Variants in CAMTA1 observed in about 807,000 individuals in gnomAD.
CAMTA1 encodes the protein calmodulin-binding transcription activator 1.
A neutral mutation model predicts 170.9 loss-of-function variants in CAMTA1; 27 were observed. The ratio of observed to expected loss-of-function variants is 0.16; its 90% CI spans 0.12 to 0.22. The LOEUF (loss-of-function observed/expected upper bound fraction) is 0.22, where lower values mean the gene tolerates loss of function less well. Among genes scored for constraint, CAMTA1 ranks in the 10% least tolerant of loss-of-function variants. The probability of loss-of-function intolerance (pLI) is 1.00; values close to 1 mark genes in which losing one functional copy is unlikely to be tolerated. For synonymous variants in CAMTA1, 833 were observed against 891.5 expected, an observed-to-expected ratio of 0.93 and a Z score of 1.17; for missense variants, 1,619 against 2,217.2, an observed-to-expected ratio of 0.73 and a Z score of 5.42.
chr1:7,316,500 T>C (rs976972561), intron 5 of CAMTA1, among the ~76,000 whole-genome samples: 3 of 152,242 alleles, frequency 2.0e-5, no homozygotes, highest in African/African-American at 7.2e-5. Context: ...CGGTAAGTAC[T>C]CAATAAGTGG....
At chr1:7,617,689 A>AC (rs1217186181) in intron 6 of CAMTA1, among the ~76,000 whole-genome samples, 49 of 116,558 alleles carry the variant, frequency 4.2e-4, no homozygotes, top group African/African-American at 8.1e-4. Context: ...GGTCATGCAC[A>AC]CCCACCCCCC....
intron 3 of CAMTA1, among the ~76,000 whole-genome samples, chr1:6,995,576 A>G (rs1697131532): frequency 6.6e-6 from 1 of 152,098 alleles, no homozygotes; most frequent in South Asian, 2.1e-4. Flanking sequence ...TGCTGGGATT[A>G]CAGGCGTGAG....
intron 4 of CAMTA1, among the ~76,000 whole-genome samples, chr1:7,136,869 C>T (rs182137139): frequency 4.6e-5 from 7 of 152,178 alleles, no homozygotes; most frequent in South Asian, 2.1e-4. Context: ...GCCCAGGGTT[C>T]GGTCATCATC....
chr1:7,223,894 C>T (rs1661242336), intron 4 of CAMTA1, among the ~76,000 whole-genome samples: 1 of 152,114 alleles, frequency 6.6e-6, no homozygotes, highest in South Asian at 2.1e-4. Flanking sequence ...TTTATTAGTT[C>T]TCAGGTTTAC....
At chr1:7,103,416 GCA>G (rs753219190) in intron 4 of CAMTA1, among the ~76,000 whole-genome samples, 30 of 38,156 alleles carry the variant, frequency 7.9e-4, no homozygotes, top group East Asian at 2.2e-3. Context: ...CACACACACA[GCA>G]CACACACCTA....
chr1:6,916,026 G>A (rs569796459), intron 3 of CAMTA1, among the ~76,000 whole-genome samples: 1 of 152,294 alleles, frequency 6.6e-6, no homozygotes, highest in East Asian at 1.9e-4. Flanking sequence ...TGAGTCTCCT[G>A]GGCATGCCTG....
At chr1:7,493,095 AAC>A (rs1262448676) in intron 6 of CAMTA1, among the ~76,000 whole-genome samples, 1 of 147,210 alleles carries the variant, frequency 6.8e-6, no homozygotes, top group Non-Finnish European at 1.5e-5. Context: ...GTGAGCACAC[AAC>A]ACAAACCTAC....
chr1:7,502,756 G>C (rs917991819), intron 6 of CAMTA1, among the ~76,000 whole-genome samples: 2 of 152,222 alleles, frequency 1.3e-5, no homozygotes, highest in African/African-American at 4.8e-5. Flanking sequence ...TGTGAAGTCA[G>C]CGCAAGAATA....
chr1:6,871,858 T>A (rs1243397355), intron 3 of CAMTA1: 5 of 1,462,700 alleles, frequency 3.4e-6, no homozygotes, highest in East Asian at 5.2e-5. Context: ...TTTCATTTTT[T>A]AATTTAATTT....
chr1:7,072,593 G>A (rs1329017466), intron 3 of CAMTA1, among the ~76,000 whole-genome samples: 9 of 152,314 alleles, frequency 5.9e-5, no homozygotes, highest in African/African-American at 1.9e-4. Context: ...ACTGCAGAAC[G>A]TCAGGCAGGA....
chr1:7,144,213 A>G lies in CAMTA1; in HGVS notation c.302+52842A>G, dbSNP rs187903751. On this transcript the variant is annotated intron_variant, in intron 4 of 22. Coordinates refer to ENST00000303635, the MANE Select transcript of CAMTA1 (RefSeq NM_015215.4). The surrounding 1 kb of genome is among the most constrained non-coding windows in gnomAD (Gnocchi z 4.0). ...GCTTGTGGACGACTGCCTTCTTGCTATGTCCTCAGATGGCCTTTTCTAAGT... is the reference window on the plus strand; with the variant it reads ...GCTTGTGGACGACTGCCTTCTTGCTGTGTCCTCAGATGGCCTTTTCTAAGT... 1.4e-3 allele frequency among the ~76,000 whole-genome samples: 212 copies of G among 152,052 alleles called. No homozygotes were observed. Among genetic ancestry groups the G allele is most frequent in the South Asian group, 4.6e-3 (22 of 4,808 alleles).
At chr1:6,972,043 G>A (rs201650017) in intron 3 of CAMTA1, among the ~76,000 whole-genome samples, 478 of 152,298 alleles carry the variant, frequency 3.1e-3, no homozygotes, top group Non-Finnish European at 3.9e-3. Context: ...GAGAAGGAGG[G>A]GCGGGGGTAG....
chr1:7,598,320 T>A (rs998506894), intron 6 of CAMTA1, among the ~76,000 whole-genome samples: 3 of 152,252 alleles, frequency 2.0e-5, no homozygotes, highest in African/African-American at 7.2e-5. Context: ...CACATTTTCT[T>A]AATCCAGTCT....
Position 7,388,945 on chromosome 1 carries a change from C to T in CAMTA1, c.439-78885C>T, listed in dbSNP as rs149335642. ...CTGGTCTCCCCACCAGACCGAGCTT[C>T]CTGCCGGACTGGGGCAGGGCCCTAA... On this transcript the variant is annotated intron_variant, in intron 5 of 22. Coordinates refer to ENST00000303635, the MANE Select transcript of CAMTA1 (RefSeq NM_015215.4). Among the ~76,000 whole-genome samples the T allele has an allele frequency of 2.8e-3, 425 of 152,348 alleles. 2 individuals carry two copies. Among genetic ancestry groups the T allele is most frequent in the Middle Eastern group, 0.01 (3 of 294 alleles).
At chr1:6,802,014 C>G (rs1310554852) in intron 1 of CAMTA1, among the ~76,000 whole-genome samples, 1 of 152,118 alleles carries the variant, frequency 6.6e-6, no homozygotes, top group African/African-American at 2.4e-5. Flanking sequence ...GCAGGCCGTG[C>G]TTTAGATTAG....
In CAMTA1 at chr1:7,249,617, G is replaced by T; in HGVS notation, c.429G>T (p.Gln143His). Residue 143 changes from glutamine to histidine, a missense_variant, in exon 5 of 23, where the codon CAG (glutamine) becomes CAT (histidine). Around this residue, in one of 8 missense-constraint regions of CAMTA1, gnomAD observed 97 missense variants for 225.4 expected, o/e 0.43. Transcript: ENST00000303635. This position sits in a 1 kb window ranked among gnomAD's most constrained non-coding sequence, Gnocchi z 4.4. ...AGGACCACATGAAACTCAAGGTCCA[G>T]GGAGTGGAGGTAAACAGCAGAAAAG... ...TREDHMKLKV[Q>H]GVECLYGCYV... 6.2e-7 allele frequency: 1 copy of T among 1,613,990 alleles called. No homozygotes were observed. The highest frequency in any genetic ancestry group is 8.5e-7 in the Non-Finnish European group (1 of 1,179,982).
rs543816947 is a variant in CAMTA1 at position 7,144,061 on chromosome 1, TG to T, written c.302+52691del. ...TAATTGCATCTGTCTTAAGTCAGGC[TG>T]CCGTAACAAAATACCACAGACTGGG... is the stretch of plus-strand genomic sequence containing the variant. On this transcript the variant is annotated intron_variant, in intron 4 of 22. Coordinates refer to ENST00000303635, the MANE Select transcript of CAMTA1 (RefSeq NM_015215.4). The surrounding 1 kb of genome is among the most constrained non-coding windows in gnomAD (Gnocchi z 4.0). 7.2e-4 allele frequency among the ~76,000 whole-genome samples: 110 copies of T among 152,324 alleles called. No homozygotes were observed. Among genetic ancestry groups the T allele is most frequent in the African/African-American group, 2.6e-3 (109 of 41,570 alleles).
intron 6 of CAMTA1, among the ~76,000 whole-genome samples, chr1:7,575,261 C>T (rs1322196028): frequency 2.6e-5 from 4 of 152,218 alleles, no homozygotes; most frequent in Non-Finnish European, 5.9e-5. Flanking sequence ...GTAGCCTGAG[C>T]TGTGCCTCTG....
At chr1:7,372,584 G>A (rs923808146) in intron 5 of CAMTA1, among the ~76,000 whole-genome samples, 3 of 152,178 alleles carry the variant, frequency 2.0e-5, no homozygotes, top group South Asian at 2.1e-4. Context: ...CCGTGAACAC[G>A]TCTCTGTGTT....
Sources: gnomAD v4.1 joint callset for allele counts (sites outside exome capture counted in the v4.1 genomes callset) on GRCh38, gnomAD v4.1.1 for gene constraint, gnomAD v4.1.1 regional missense constraint, Gnocchi (gnomAD v3.1) non-coding constraint, MANE v1.5 for transcripts, NCBI Gene and HGNC (gene_info 2026-07-23, HGNC 2026-07-21) for gene names.